PDZRN4: variants seen among roughly 807,000 people sequenced by gnomAD.
The protein encoded by PDZRN4 is PDZ domain-containing RING finger protein 4.
In PDZRN4, 70 loss-of-function variants were observed where a neutral mutation model predicts 99.0. The ratio of observed to expected loss-of-function variants is 0.71; its 90% confidence interval spans 0.58 to 0.86. The LOEUF (loss-of-function observed/expected upper bound fraction) is 0.86, where lower values mean the gene tolerates loss of function less well. Among genes scored for constraint, PDZRN4 ranks in the 40% least tolerant of loss-of-function variants. PDZRN4 has a pLI of 0.00. For synonymous variants in PDZRN4, 551 were observed against 501.6 expected (o/e 1.10, Z -1.32); for missense variants, 1,474 against 1,331.2 (o/e 1.11, Z -1.67).
intron 3 of PDZRN4, among the ~76,000 whole-genome samples, chr12:41,394,621 T>A (rs1229418728): frequency 6.6e-6 from 1 of 152,122 alleles, no homozygotes; most frequent in South Asian, 2.1e-4. Flanking sequence ...AAGATTCTAC[T>A]GGGGAGATTT....
At chr12:41,255,783 G>A (rs191683815) in intron 3 of PDZRN4, among the ~76,000 whole-genome samples, 14 of 152,276 alleles carry the variant, frequency 9.2e-5, no homozygotes, top group Non-Finnish European at 1.5e-4. Context: ...GAAGGTGACG[G>A]GGGAGTCAGC....
intron 3 of PDZRN4, among the ~76,000 whole-genome samples, chr12:41,264,832 T>G (rs1951265579): frequency 6.6e-6 from 1 of 152,154 alleles, no homozygotes. Flanking sequence ...AGCCATTATC[T>G]TAAGTGAATT....
At chr12:41,516,784 A>G (rs1249399125) in intron 5 of PDZRN4, among the ~76,000 whole-genome samples, 1 of 145,560 alleles carries the variant, frequency 6.9e-6, no homozygotes, top group East Asian at 2.0e-4. Flanking sequence ...TTTTTTTTTT[A>G]CTTTCGAAAG....
intron 4 of PDZRN4, 113 bp from the exon 5 acceptor site, chr12:41,509,698 A>G (rs978858563): frequency 3.2e-5 from 18 of 559,892 alleles, no homozygotes; most frequent in African/African-American, 3.1e-4. Context: ...AGACTAGATC[A>G]CTACAGATCT....
At chr12:41,505,392 A>G (rs1475104515) in intron 3 of PDZRN4, among the ~76,000 whole-genome samples, 2 of 152,158 alleles carry the variant, frequency 1.3e-5, no homozygotes, top group African/African-American at 2.4e-5. Context: ...AAGCTCTTTC[A>G]GGATTCTAGA....
intron 3 of PDZRN4, among the ~76,000 whole-genome samples, chr12:41,504,131 T>G (rs1338476883): frequency 6.6e-6 from 1 of 152,092 alleles, no homozygotes; most frequent in African/African-American, 2.4e-5. Flanking sequence ...TAGCCTGGCA[T>G]GGTGGCATGC....
chr12:41,464,602 G>T (rs1391379728), intron 3 of PDZRN4, among the ~76,000 whole-genome samples: 1 of 151,934 alleles, frequency 6.6e-6, no homozygotes, highest in Non-Finnish European at 1.5e-5. Context: ...TTTGCAACAG[G>T]GTTTACATAT....
At chr12:41,271,317 G>A (rs556420429) in intron 3 of PDZRN4, among the ~76,000 whole-genome samples, 1 of 151,904 alleles carries the variant, frequency 6.6e-6, no homozygotes, top group Non-Finnish European at 1.5e-5. Flanking sequence ...CTTTCCCTTA[G>A]GTACAAAAAA....
rs540671757 is a variant in PDZRN4, at chr12:41,474,961, A to G, written c.844-31495A>G. On this transcript the variant is annotated intron_variant, in intron 3 of 9. Transcript: ENST00000402685. Reference sequence around the variant, plus strand: ...ATATTTTGAGGCAGATTTTGTGCCCAGGCTGGAAAATGCAAGTAGAACTAT... The same window carrying G: ...ATATTTTGAGGCAGATTTTGTGCCCGGGCTGGAAAATGCAAGTAGAACTAT... Among the ~76,000 whole-genome samples the G allele has an allele frequency of 5.3e-5, 8 of 152,342 alleles. No homozygotes were observed. The South Asian group carries it at 1.7e-3, about 32-fold the overall frequency.
chr12:41,444,129 G>T (rs752789411), intron 3 of PDZRN4, among the ~76,000 whole-genome samples: 1 of 152,076 alleles, frequency 6.6e-6, no homozygotes, highest in Non-Finnish European at 1.5e-5. Context: ...AATAAGAACC[G>T]AGTATCTTTG....
intron 3 of PDZRN4, among the ~76,000 whole-genome samples, chr12:41,267,017 A>T (rs971808218): frequency 6.6e-6 from 1 of 152,194 alleles, no homozygotes; most frequent in East Asian, 1.9e-4. Flanking sequence ...CAGTGCATCA[A>T]AGCATTCTTT....
At chr12:41,563,497 T>C (rs571546423) in intron 7 of PDZRN4, 51 bp from the exon 8 acceptor site, 1 of 1,262,604 alleles carries the variant, frequency 7.9e-7, no homozygotes, top group Non-Finnish European at 1.2e-6. Flanking sequence ...ATTTATTGTG[T>C]GCAGCATTGT....
chr12:41,258,878 T>C (rs1485772020), intron 3 of PDZRN4, among the ~76,000 whole-genome samples: 1 of 151,878 alleles, frequency 6.6e-6, no homozygotes, highest in African/African-American at 2.4e-5. Flanking sequence ...ATGTTATGAG[T>C]AGTGATGATG....
intron 3 of PDZRN4, among the ~76,000 whole-genome samples, chr12:41,424,086 T>A (rs1952514057): frequency 6.6e-6 from 1 of 152,326 alleles, no homozygotes; most frequent in Non-Finnish European, 1.5e-5. Flanking sequence ...ATGCTGTCCA[T>A]TCTATGTCTG....
chr12:41,392,595 C>T (rs1453910405), intron 3 of PDZRN4, among the ~76,000 whole-genome samples: 1 of 152,078 alleles, frequency 6.6e-6, no homozygotes, highest in African/African-American at 2.4e-5. Context: ...TTCAGAATGT[C>T]CTCCCCTTAC....
chr12:41,389,730 A>G (rs1952195768), intron 3 of PDZRN4, among the ~76,000 whole-genome samples: 1 of 152,210 alleles, frequency 6.6e-6, no homozygotes, highest in East Asian at 1.9e-4. Flanking sequence ...TTTATGGACT[A>G]TGACTTGTCA....
intron 5 of PDZRN4, among the ~76,000 whole-genome samples, chr12:41,551,417 C>G (rs1939052921): frequency 6.6e-6 from 1 of 152,192 alleles, no homozygotes; most frequent in African/African-American, 2.4e-5. Flanking sequence ...CCTTAGCACT[C>G]TATTCTTATC....
At chr12:41,259,760 G>C (rs1053628282) in intron 3 of PDZRN4, among the ~76,000 whole-genome samples, 8 of 152,140 alleles carry the variant, frequency 5.3e-5, no homozygotes, top group African/African-American at 1.9e-4. Context: ...AATGAGTTTA[G>C]TCTAGAGGGC....
chr12:41,383,892 G>A (rs1006981616), intron 3 of PDZRN4, among the ~76,000 whole-genome samples: 11 of 150,832 alleles, frequency 7.3e-5, no homozygotes, highest in African/African-American at 2.7e-4. Context: ...CTCCTTGGAG[G>A]CTCCTGTAAT....
Sources: allele counts gnomAD v4.1 joint callset (sites outside exome capture counted in the v4.1 genomes callset), GRCh38; gene constraint gnomAD v4.1.1; transcripts MANE v1.5; gene names NCBI Gene and HGNC (gene_info 2026-07-23, HGNC 2026-07-21).